The following NCKAP5 variants were observed in gnomAD, a reference collection of about 807,000 sequenced individuals.
NCKAP5 encodes the protein NCK associated protein 5.
A neutral mutation model predicts 167.0 loss-of-function variants in NCKAP5; 92 were observed. The ratio of observed to expected loss-of-function variants is 0.55; its 90% CI spans 0.47 to 0.66. The LOEUF is 0.66. Ranked by LOEUF, NCKAP5 falls within the 30% of genes least tolerant of loss-of-function variation. The pLI, the probability that NCKAP5 is intolerant of heterozygous loss-of-function variation, is 0.00. For missense variants in NCKAP5, 2,378 were observed against 2,315.0 expected, an observed-to-expected ratio of 1.03 and a Z score of -0.56; for synonymous variants, 891 against 877.4, an observed-to-expected ratio of 1.02 and a Z score of -0.27.
intron 6 of NCKAP5, among the ~76,000 whole-genome samples, chr2:133,055,552 TAAGCTATTTTATATAGATTTCAACAAA>T (rs2079769260): frequency 6.6e-6 from 1 of 150,950 alleles, no homozygotes; most frequent in East Asian, 1.9e-4. Flanking sequence ...AAAGAATAAA[TAAGCTATTTTATATAGATTTCAACAAA>T]AATTATTAAT....
At chr2:133,486,273 C>T (rs990607212) in intron 3 of NCKAP5, among the ~76,000 whole-genome samples, 7 of 152,186 alleles carry the variant, frequency 4.6e-5, no homozygotes, top group African/African-American at 1.7e-4. Flanking sequence ...CATCACATGC[C>T]TTTTTCCGCT....
the NCKAP5 span, among the ~76,000 whole-genome samples, chr2:133,604,047 C>A: frequency 6.6e-6 from 1 of 152,190 alleles, no homozygotes; most frequent in Non-Finnish European, 1.5e-5. Flanking sequence ...GAGTCTGCTT[C>A]TTTGCAGTGC....
intron 2 of NCKAP5, among the ~76,000 whole-genome samples, chr2:133,525,800 T>G (rs577255684): frequency 6.6e-6 from 1 of 152,106 alleles, no homozygotes; most frequent in Non-Finnish European, 1.5e-5. Flanking sequence ...TCAAGCCAGC[T>G]GTCCCATGTC....
chr2:133,648,845 G>T, the NCKAP5 span, among the ~76,000 whole-genome samples: 6 of 141,676 alleles, frequency 4.2e-5, no homozygotes, highest in African/African-American at 1.6e-4. Flanking sequence ...AAACCTAAGG[G>T]AATTAAAAAA....
Position 132,673,043 on chromosome 2 carries a change from T to G in NCKAP5, c.*246A>C. On this transcript the variant is annotated 3_prime_UTR_variant, in exon 20 of 20. Coordinates refer to ENST00000409261, the MANE Select transcript of NCKAP5 (RefSeq NM_207363.3). ...TGTCCTTTATACATCATTTGAACCTTGACTGGCACAGGAAGAGAAGCTATC... is the reference window on the plus strand; with the variant it reads ...TGTCCTTTATACATCATTTGAACCTGGACTGGCACAGGAAGAGAAGCTATC... 9.5e-7 allele frequency: 1 copy of G among 1,049,204 alleles called. No individual in the cohort carries two copies. Among genetic ancestry groups the G allele is most frequent in the Non-Finnish European group, 1.1e-6 (1 of 875,136 alleles). The allele number at this position is 1,049,204 out of a possible 1,614,324, so 65.0% of individuals were successfully genotyped here. A position where few individuals can be genotyped will look rare whatever the true frequency, so the allele number is the denominator to read the frequency against.
At chr2:133,650,859 G>A in the NCKAP5 span, among the ~76,000 whole-genome samples, 1 of 152,174 alleles carries the variant, frequency 6.6e-6, no homozygotes, top group African/African-American at 2.4e-5. Flanking sequence ...TCCAGCCTGG[G>A]TGAGAGAGCA....
At chr2:133,422,020 C>T (rs1176686166) in intron 3 of NCKAP5, among the ~76,000 whole-genome samples, 1 of 152,248 alleles carries the variant, frequency 6.6e-6, no homozygotes, top group African/African-American at 2.4e-5. Context: ...GAAAGATCCA[C>T]TCCCCAGATT....
chr2:132,920,719 GTATA>G (rs60892828), intron 8 of NCKAP5, among the ~76,000 whole-genome samples: 5 of 64,692 alleles, frequency 7.7e-5, no homozygotes, highest in East Asian at 3.3e-4. Flanking sequence ...GTATATATAT[GTATA>G]TATATATATG....
the NCKAP5 span, among the ~76,000 whole-genome samples, chr2:133,586,857 G>A: frequency 6.6e-6 from 1 of 151,942 alleles, no homozygotes; most frequent in African/African-American, 2.4e-5. Context: ...AGAGAATGGT[G>A]GGGACTACGA....
chr2:132,722,416 T>G (rs536523108), intron 19 of NCKAP5, among the ~76,000 whole-genome samples: 1 of 152,286 alleles, frequency 6.6e-6, no homozygotes, highest in South Asian at 2.1e-4. Flanking sequence ...TTGACATACC[T>G]TCCTCACTTG....
intron 7 of NCKAP5, among the ~76,000 whole-genome samples, chr2:132,986,356 G>C (rs549861748): frequency 6.6e-6 from 1 of 152,176 alleles, no homozygotes; most frequent in South Asian, 2.1e-4. Flanking sequence ...ACAGATCTAC[G>C]GACAAGAGGA....
intron 6 of NCKAP5, among the ~76,000 whole-genome samples, chr2:133,008,057 A>G (rs983559985): frequency 6.6e-6 from 1 of 152,082 alleles, no homozygotes; most frequent in African/African-American, 2.4e-5. Context: ...GAAGATATAT[A>G]TGGGACTACT....
At chr2:132,692,158 T>TATTTTATTTTTTTTTTTTA (rs1558929333) in intron 19 of NCKAP5, among the ~76,000 whole-genome samples, 1 of 149,894 alleles carries the variant, frequency 6.7e-6, no homozygotes, top group African/African-American at 2.5e-5. Context: ...TATTTTATTT[T>TATTTTATTTTTTTTTTTTA]TTGAGACAGA....
chr2:133,424,748 A>G (rs567000655), intron 3 of NCKAP5, among the ~76,000 whole-genome samples: 2 of 152,254 alleles, frequency 1.3e-5, no homozygotes, highest in Admixed American at 6.5e-5. Context: ...GTTGCCCTAA[A>G]TCTCCTGAAT....
chr2:133,640,378 A>T, the NCKAP5 span, among the ~76,000 whole-genome samples: 1 of 152,170 alleles, frequency 6.6e-6, no homozygotes, highest in Admixed American at 6.5e-5. Context: ...GAGGTATAGG[A>T]CCCTTTGAAG....
At chr2:133,648,065 A>T in the NCKAP5 span, among the ~76,000 whole-genome samples, 1 of 152,308 alleles carries the variant, frequency 6.6e-6, no homozygotes, top group African/African-American at 2.4e-5. Flanking sequence ...TGCAAATGGT[A>T]ACCAAAAGAC....
At chr2:133,220,934 C>G (rs1235325084) in intron 4 of NCKAP5, among the ~76,000 whole-genome samples, 1 of 152,136 alleles carries the variant, frequency 6.6e-6, no homozygotes, top group African/African-American at 2.4e-5. Flanking sequence ...GATGGTGCCC[C>G]TGTGAGGATG....
intron 4 of NCKAP5, among the ~76,000 whole-genome samples, chr2:133,299,843 T>C (rs1298536474): frequency 1.3e-5 from 2 of 152,020 alleles, no homozygotes; most frequent in African/African-American, 4.8e-5. Context: ...ATATGAGGCA[T>C]CACGTAATTA....
At chr2:133,059,587 C>T (rs1237570841) in intron 6 of NCKAP5, among the ~76,000 whole-genome samples, 2 of 151,174 alleles carry the variant, frequency 1.3e-5, no homozygotes, top group Admixed American at 1.3e-4. Context: ...GTGAGAGGAT[C>T]GCTTAAGCCC....
Sources: gnomAD v4.1 joint callset for allele counts (sites outside exome capture counted in the v4.1 genomes callset) on GRCh38, gnomAD v4.1.1 for gene constraint, MANE v1.5 for transcripts, NCBI Gene and HGNC (gene_info 2026-07-23, HGNC 2026-07-21) for gene names.